The following EYA4 variants were observed in gnomAD, a reference collection of about 807,000 sequenced individuals.
The protein encoded by EYA4 is EYA transcriptional coactivator and phosphatase 4, also known as protein phosphatase EYA4.
A neutral mutation model predicts 87.9 loss-of-function variants in EYA4; 31 were observed. That is an observed-to-expected ratio of 0.35 (90% CI 0.27 to 0.48). EYA4 has a LOEUF of 0.48. Among genes scored for constraint, EYA4 ranks in the 20% least tolerant of loss-of-function variants. The pLI, the probability that EYA4 is intolerant of heterozygous loss-of-function variation, is 0.99. For missense variants in EYA4, 678 were observed against 761.4 expected (o/e 0.89, Z 1.29); for synonymous variants, 263 against 270.6 (o/e 0.97, Z 0.28).
intron 2 of EYA4, among the ~76,000 whole-genome samples, chr6:133,352,673 A>G (rs1248824049): frequency 2.0e-5 from 3 of 152,178 alleles, no homozygotes; most frequent in African/African-American, 7.2e-5. Context: ...TAAAAAGAAA[A>G]TAATTGGAAT....
chr6:133,394,284 GTTTTTTTTTTTTTT>G (rs869103311), intron 3 of EYA4, among the ~76,000 whole-genome samples: 47 of 17,898 alleles, frequency 2.6e-3, no homozygotes, highest in African/African-American at 6.4e-3. Context: ...ATAAGCTTGT[GTTTTTTTTTTTTTT>G]TTTTTTTTTT....
At chr6:133,360,305 G>A (rs1784360979) in intron 2 of EYA4, 1 of 152,106 alleles carries the variant, frequency 6.6e-6, no homozygotes, top group African/African-American at 2.4e-5. Flanking sequence ...AGTCAGAGAC[G>A]ACTTTTACTT....
chr6:133,479,910 G>C (rs925384230), intron 11 of EYA4, among the ~76,000 whole-genome samples: 2 of 152,150 alleles, frequency 1.3e-5, no homozygotes, highest in Non-Finnish European at 2.9e-5. Context: ...TACCTCCTAA[G>C]ATACTTTCTC....
chr6:133,318,785 A>G (rs1453493989), intron 2 of EYA4, among the ~76,000 whole-genome samples: 1 of 152,216 alleles, frequency 6.6e-6, no homozygotes, highest in East Asian at 1.9e-4. Context: ...TCTCATTTGT[A>G]TGTAAGTGTG....
chr6:133,456,717 A>C (rs1416221238), intron 6 of EYA4, 69 bp downstream of exon 6: 3 of 894,528 alleles, frequency 3.4e-6, no homozygotes, highest in African/African-American at 1.6e-5. Context: ...CCTCGGGAAT[A>C]AGCAACATAA....
intron 2 of EYA4, among the ~76,000 whole-genome samples, chr6:133,319,249 TAG>T: frequency 6.6e-6 from 1 of 152,206 alleles, no homozygotes; most frequent in East Asian, 1.9e-4. Flanking sequence ...TTTTAAAAGA[TAG>T]AGAATTTCAG....
At chr6:133,518,799 T>C (rs1415851111) in intron 17 of EYA4, among the ~76,000 whole-genome samples, 3 of 152,102 alleles carry the variant, frequency 2.0e-5, no homozygotes, top group Non-Finnish European at 2.9e-5. Flanking sequence ...AGACTATCTC[T>C]CAGACCACAG....
chr6:133,327,915 C>A (rs1781630188), intron 2 of EYA4, among the ~76,000 whole-genome samples: 1 of 152,174 alleles, frequency 6.6e-6, no homozygotes, highest in Non-Finnish European at 1.5e-5. Context: ...GGAAAAAATT[C>A]TTAGAGACTA....
chr6:133,515,033 A>G (rs1359174646), intron 16 of EYA4, among the ~76,000 whole-genome samples: 2 of 152,178 alleles, frequency 1.3e-5, no homozygotes, highest in African/African-American at 4.8e-5. Flanking sequence ...AGCTCTTTAG[A>G]TGATTGAGAT....
chr6:133,422,593 C>A (rs1790312824), intron 3 of EYA4, among the ~76,000 whole-genome samples: 1 of 152,110 alleles, frequency 6.6e-6, no homozygotes, highest in African/African-American at 2.4e-5. Flanking sequence ...GGAGTTGAAA[C>A]AGAAAAGAGG....
intron 1 of EYA4, among the ~76,000 whole-genome samples, chr6:133,266,679 T>A (rs896552562): frequency 6.6e-6 from 1 of 152,128 alleles, no homozygotes; most frequent in African/African-American, 2.4e-5. Flanking sequence ...ATTCAGTAAA[T>A]AATACTTGTC....
At chr6:133,503,608 G>T (rs945901460) in intron 13 of EYA4, among the ~76,000 whole-genome samples, 2 of 152,116 alleles carry the variant, frequency 1.3e-5, no homozygotes, top group African/African-American at 4.8e-5. Flanking sequence ...AATTACATTT[G>T]ATTTTTCCTG....
Position 133,462,742 on chromosome 6 carries a change from A to C in EYA4, c.702A>C (p.Thr234=). The part of the protein sequence containing the change: ...PGFSTPQPGQ[T]PYSYQMPGSS... ...TCTCTACCCCACAGCCAGGCCAGAC[A>C]CCTTATTCTTACCAAATGCCAGGTA... Residue 234 remains threonine, a synonymous_variant, in exon 9 of 20, where the codon ACA becomes ACC. Coordinates refer to ENST00000355286, the MANE Select transcript of EYA4 (RefSeq NM_004100.5). 1 of 1,613,884 alleles carries C rather than the reference A, an allele frequency of 6.2e-7. No homozygotes were observed. The highest frequency in any genetic ancestry group is 8.5e-7 in the Non-Finnish European group (1 of 1,179,880).
At chr6:133,288,940 A>C (rs1778275842) in intron 2 of EYA4, among the ~76,000 whole-genome samples, 1 of 152,190 alleles carries the variant, frequency 6.6e-6, no homozygotes, top group South Asian at 2.1e-4. Context: ...TTCAAAAGGA[A>C]GTCCCAAGAG....
At chr6:133,516,231 A>G (rs937474332) in intron 17 of EYA4, among the ~76,000 whole-genome samples, 1 of 152,106 alleles carries the variant, frequency 6.6e-6, no homozygotes, top group African/African-American at 2.4e-5. Flanking sequence ...ACTGGGGCCT[A>G]CTTGAGGGTG....
At chr6:133,245,485 A>G (rs1277156588) in intron 1 of EYA4, among the ~76,000 whole-genome samples, 2 of 152,238 alleles carry the variant, frequency 1.3e-5, no homozygotes, top group African/African-American at 2.4e-5. Context: ...AATTATATTC[A>G]GAAATACAGT....
chr6:133,352,993 A>G (rs1459762470), intron 2 of EYA4, among the ~76,000 whole-genome samples: 1 of 152,164 alleles, frequency 6.6e-6, no homozygotes, highest in Non-Finnish European at 1.5e-5. Context: ...AGTTCAAATG[A>G]TAGTAAGTTC....
At chr6:133,413,632 C>A (rs187790143) in intron 3 of EYA4, among the ~76,000 whole-genome samples, 10 of 152,188 alleles carry the variant, frequency 6.6e-5, no homozygotes, top group African/African-American at 1.9e-4. Flanking sequence ...TGTTGCTTCC[C>A]AGTGTTCTAT....
At position 133,515,109 on chromosome 6, in the gene EYA4, G is replaced by T. The variant is rs969110015; in HGVS notation, c.1502-212G>T. Reference sequence around the variant, plus strand: ...GGGCCACTTTTCAGTGGCACTACCTGAGACCTAGAAGTTCAGTAAATATTC... The same window carrying T: ...GGGCCACTTTTCAGTGGCACTACCTTAGACCTAGAAGTTCAGTAAATATTC... On this transcript the variant is annotated intron_variant, in intron 16 of 19. Coordinates refer to ENST00000355286, the MANE Select transcript of EYA4 (RefSeq NM_004100.5). 2.0e-5 allele frequency among the ~76,000 whole-genome samples: 3 copies of T among 152,200 alleles called. No homozygotes were observed. The East Asian group carries it at 5.8e-4, about 29-fold the overall frequency.
Sources: gnomAD v4.1 joint callset for allele counts (sites outside exome capture counted in the v4.1 genomes callset) on GRCh38, gnomAD v4.1.1 for gene constraint, MANE v1.5 for transcripts, NCBI Gene and HGNC (gene_info 2026-07-23, HGNC 2026-07-21) for gene names.